FNBP1L: variants seen among roughly 807,000 people sequenced by gnomAD.
FNBP1L encodes formin-binding protein 1-like.
Under a neutral mutation model 91.2 loss-of-function variants are expected in FNBP1L, and 36 were observed. The observed-to-expected ratio is 0.39, with a 90% confidence interval of 0.30 to 0.52. The LOEUF is 0.52. Among genes scored for constraint, FNBP1L ranks in the 20% least tolerant of loss-of-function variants. FNBP1L has a pLI of 0.66. For synonymous variants in FNBP1L, 242 were observed against 237.0 expected, an observed-to-expected ratio of 1.02 and a Z score of -0.19; for missense variants, 571 against 732.1, an observed-to-expected ratio of 0.78 and a Z score of 2.54.
rs1406683858 is a variant in FNBP1L at position 93,524,278 on chromosome 1, A to G, written c.360A>G (p.Arg120=). The change falls in exon 5 of 17, where the codon CGA becomes CGG. Residue 120 remains arginine (R), a synonymous_variant. Transcript: ENST00000271234. The part of the protein sequence containing the change: ...TERKMHLQEG[R]KAQQYLDMCW... ...ATCTTCAGCATCTGCAAGAAGGACG[A>G]AAAGCTCAACAATATCTTGACATGT... 1.3e-6 allele frequency: 2 copies of G among 1,505,116 alleles called. No homozygotes were observed. Among genetic ancestry groups the G allele is most frequent in the East Asian group, 5.1e-5 (2 of 38,906 alleles). The allele number at this position is 1,505,116 out of a possible 1,614,324, so 93.2% of individuals were successfully genotyped here. A position where few individuals can be genotyped will look rare whatever the true frequency, so the allele number is the denominator to read the frequency against.
intron 9 of FNBP1L, among the ~76,000 whole-genome samples, chr1:93,535,438 G>A (rs1237551533): frequency 6.6e-6 from 1 of 152,062 alleles, no homozygotes; most frequent in African/African-American, 2.4e-5. Context: ...ACCTTCTGAT[G>A]TGCTCTTTAT....
intron 1 of FNBP1L, among the ~76,000 whole-genome samples, chr1:93,483,028 A>C (rs1052486882): frequency 4.7e-5 from 7 of 150,270 alleles, no homozygotes; most frequent in African/African-American, 1.7e-4. Flanking sequence ...AAAAAAACAA[A>C]AAAAACAAAA....
At chr1:93,544,594 C>G (rs1672154259) in intron 12 of FNBP1L, among the ~76,000 whole-genome samples, 1 of 152,114 alleles carries the variant, frequency 6.6e-6, no homozygotes, top group East Asian at 1.9e-4. Flanking sequence ...GCAAACGGTG[C>G]TTGATTACTG....
chr1:93,473,132 TC>T (rs983038204), intron 1 of FNBP1L, among the ~76,000 whole-genome samples: 42 of 152,300 alleles, frequency 2.8e-4, no homozygotes, highest in Middle Eastern at 3.4e-3. Flanking sequence ...TTTCTTTTTT[TC>T]ATCTCTTTTA....
chr1:93,517,599 A>G (rs929593173), intron 2 of FNBP1L, among the ~76,000 whole-genome samples: 3 of 152,260 alleles, frequency 2.0e-5, no homozygotes, highest in Non-Finnish European at 4.4e-5. Context: ...AAAAGCAGCC[A>G]TAGACAATAC....
At chr1:93,481,121 CTT>C (rs1425639258) in intron 1 of FNBP1L, among the ~76,000 whole-genome samples, 2 of 152,156 alleles carry the variant, frequency 1.3e-5, no homozygotes, top group Non-Finnish European at 2.9e-5. Flanking sequence ...GCAGTTGAAA[CTT>C]CCCCCCTTTT....
chr1:93,513,372 C>G, intron 2 of FNBP1L, among the ~76,000 whole-genome samples: 1 of 151,918 alleles, frequency 6.6e-6, no homozygotes, highest in Non-Finnish European at 1.5e-5. Context: ...CCTTCTGAAA[C>G]TATTCCAATC....
At chr1:93,538,562 T>G (rs1189431491) in intron 10 of FNBP1L, among the ~76,000 whole-genome samples, 1 of 152,084 alleles carries the variant, frequency 6.6e-6, no homozygotes, top group Non-Finnish European at 1.5e-5. Context: ...ATTTTTTTCT[T>G]TTGATTACCG....
chr1:93,504,767 T>C (rs1044998356), intron 2 of FNBP1L, among the ~76,000 whole-genome samples: 2 of 152,210 alleles, frequency 1.3e-5, no homozygotes, highest in Non-Finnish European at 2.9e-5. Flanking sequence ...AGTCAGTTTT[T>C]AAAATTGAGT....
chr1:93,464,604 AAT>A (rs961341764), intron 1 of FNBP1L, among the ~76,000 whole-genome samples: 1 of 152,154 alleles, frequency 6.6e-6, no homozygotes, highest in African/African-American at 2.4e-5. Context: ...TTTCAATCAT[AAT>A]ATGTTGTTTT....
At chr1:93,466,840 A>G (rs920049187) in intron 1 of FNBP1L, among the ~76,000 whole-genome samples, 1 of 152,076 alleles carries the variant, frequency 6.6e-6, no homozygotes, top group Admixed American at 6.5e-5. Flanking sequence ...ATGAGCATGG[A>G]ATATTCTTCC....
intron 1 of FNBP1L, among the ~76,000 whole-genome samples, chr1:93,460,113 C>T (rs569556023): frequency 4.0e-5 from 6 of 151,874 alleles, no homozygotes; most frequent in Non-Finnish European, 8.8e-5. Context: ...GGAACATTTC[C>T]GATTTTGGAT....
chr1:93,524,197 ATTTTTATTTGTTTTTGTTTTAT>A, intron 4 of FNBP1L, 42 bp from the exon 5 acceptor site: 1 of 1,311,322 alleles, frequency 7.6e-7, no homozygotes, highest in South Asian at 1.8e-5. Flanking sequence ...AAATGTAATT[ATTTTTATTTGTTTTTGTTTTAT>A]TTTTTATTTT....
intron 1 of FNBP1L, among the ~76,000 whole-genome samples, chr1:93,466,932 C>G (rs1041347691): frequency 6.6e-6 from 1 of 152,198 alleles, no homozygotes; most frequent in South Asian, 2.1e-4. Flanking sequence ...ATCTTGCTCA[C>G]TGTAACCTCC....
intron 10 of FNBP1L, among the ~76,000 whole-genome samples, chr1:93,537,529 C>T (rs1026898726): frequency 2.0e-5 from 3 of 152,124 alleles, no homozygotes; most frequent in African/African-American, 7.2e-5. Flanking sequence ...TTATGACAAA[C>T]TTAACTGATG....
chr1:93,491,288 G>C (rs548952776), intron 1 of FNBP1L, among the ~76,000 whole-genome samples: 3 of 152,050 alleles, frequency 2.0e-5, no homozygotes, highest in Admixed American at 6.6e-5. Context: ...TTATATTGTG[G>C]TGATTAAAAC....
At chr1:93,453,637 C>T (rs1171486648) in intron 1 of FNBP1L, among the ~76,000 whole-genome samples, 1 of 152,072 alleles carries the variant, frequency 6.6e-6, no homozygotes, top group Non-Finnish European at 1.5e-5. Context: ...TAAACATTTT[C>T]ACTTCAATAG....
intron 2 of FNBP1L, among the ~76,000 whole-genome samples, chr1:93,505,927 T>C (rs1670594237): frequency 6.6e-6 from 1 of 152,184 alleles, no homozygotes; most frequent in Non-Finnish European, 1.5e-5. Flanking sequence ...TCCACCCGTC[T>C]TGGCCTCCCA....
chr1:93,492,815 G>T (rs1557789984), intron 1 of FNBP1L, among the ~76,000 whole-genome samples: 8 of 152,068 alleles, frequency 5.3e-5, no homozygotes, highest in Admixed American at 4.6e-4. Context: ...ATATAAAAAA[G>T]AAACTGTGGA....
Sources: allele counts gnomAD v4.1 joint callset (sites outside exome capture counted in the v4.1 genomes callset), GRCh38; gene constraint gnomAD v4.1.1; transcripts MANE v1.5; gene names NCBI Gene and HGNC (gene_info 2026-07-23, HGNC 2026-07-21).